CPSF4: variants seen among roughly 807,000 people sequenced by gnomAD.
CPSF4 encodes cleavage and polyadenylation specific factor 4.
CPSF4 carries 11 observed loss-of-function variants against 37.7 expected under a neutral mutation model. The observed-to-expected ratio is 0.29, with a 90% CI of 0.18 to 0.48. CPSF4 has a LOEUF of 0.48. Ranked by LOEUF, CPSF4 falls within the 20% of genes least tolerant of loss-of-function variation. The pLI is 0.99. For missense variants in CPSF4, 144 were observed against 359.5 expected, an observed-to-expected ratio of 0.40 and a Z score of 4.85; for synonymous variants, 132 against 135.9, an observed-to-expected ratio of 0.97 and a Z score of 0.20.
intron 7 of CPSF4, 38 bp from the exon 8 acceptor site, chr7:99,456,394 T>C (rs918888276): frequency 2.5e-6 from 4 of 1,595,780 alleles, no homozygotes; most frequent in Non-Finnish European, 3.4e-6. Flanking sequence ...AGTGTTGTTG[T>C]CTGTCTCTCC....
chr7:99,441,855 C>G (rs1797016174), intron 1 of CPSF4, among the ~76,000 whole-genome samples: 1 of 152,104 alleles, frequency 6.6e-6, no homozygotes, highest in African/African-American at 2.4e-5. Flanking sequence ...CCATGTCTGA[C>G]TAATTTTTGC....
At chr7:99,450,052 C>T (rs960940332) in intron 3 of CPSF4, among the ~76,000 whole-genome samples, 9 of 152,208 alleles carry the variant, frequency 5.9e-5, no homozygotes, top group Non-Finnish European at 1.0e-4. Flanking sequence ...CTTGTCCCAG[C>T]TCTTAGATGT....
intron 1 of CPSF4, among the ~76,000 whole-genome samples, chr7:99,441,217 C>T (rs1229456696): frequency 6.6e-6 from 1 of 152,158 alleles, no homozygotes; most frequent in Non-Finnish European, 1.5e-5. Flanking sequence ...TCCCAAAGTG[C>T]TGGGATTACG....
intron 3 of CPSF4, among the ~76,000 whole-genome samples, chr7:99,450,071 A>C (rs1562862302): frequency 6.6e-6 from 1 of 152,180 alleles, no homozygotes; most frequent in African/African-American, 2.4e-5. Context: ...GTGAAGAGCC[A>C]ATCAGAATGG....
At position 99,448,028 on chromosome 7, in the gene CPSF4, T is replaced by A; in HGVS notation, c.155-93T>A. The A allele has an allele frequency of 3.0e-6, 4 of 1,320,578 alleles. No individual in the cohort carries two copies. Among genetic ancestry groups the A allele is most frequent in the Non-Finnish European group, 4.2e-6 (4 of 942,258 alleles). The allele number at this position is 1,320,578 out of a possible 1,614,324, so 81.8% of individuals were successfully genotyped here. On this transcript the variant is annotated intron_variant, in intron 2 of 7. Coordinates refer to ENST00000292476, the MANE Select transcript of CPSF4 (RefSeq NM_006693.4). This position sits in a 1 kb window ranked among gnomAD's most constrained non-coding sequence, Gnocchi z 4.4. ...TGATGCCTTCAGGTGGCTCCAGGAGTTAGGAAGTGAAGGTACCTCAGCTTC... is the reference window on the plus strand; with the variant it reads ...TGATGCCTTCAGGTGGCTCCAGGAGATAGGAAGTGAAGGTACCTCAGCTTC...
intron 1 of CPSF4, chr7:99,442,847 A>G (rs1265688440): frequency 2.0e-6 from 2 of 1,005,688 alleles, no homozygotes; most frequent in Admixed American, 3.4e-5. Flanking sequence ...GAGAAGTGGA[A>G]AACACTGGAG....
chr7:99,440,688 T>TTTTTTTTTTTG, intron 1 of CPSF4, among the ~76,000 whole-genome samples: 1 of 110,844 alleles, frequency 9.0e-6, no homozygotes, highest in East Asian at 2.1e-4. Flanking sequence ...TTTTTTTTTT[T>TTTTTTTTTTTG]TTTTTCCTGC....
At chr7:99,449,481 A>C (rs773841930) in intron 3 of CPSF4, among the ~76,000 whole-genome samples, 2 of 152,336 alleles carry the variant, frequency 1.3e-5, no homozygotes, top group South Asian at 2.1e-4. Context: ...GCACCGCTAT[A>C]CAAGTGGCCT....
Position 99,453,182 on chromosome 7 carries a change from GC to G in CPSF4, c.570+745del, listed in dbSNP as rs1370158345. ...GGGCATCAGGCAGGGTTCCCAACAG[GC>G]CCATCAAGCCCAACCACCTCCTGAG... On this transcript the variant is annotated intron_variant, in intron 6 of 7. Coordinates refer to ENST00000292476, the MANE Select transcript of CPSF4 (RefSeq NM_006693.4). This position sits in a 1 kb window ranked among gnomAD's most constrained non-coding sequence, Gnocchi z 4.7. 6.6e-6 allele frequency: 1 copy of G among 152,500 alleles called. No homozygotes were observed. Among genetic ancestry groups the G allele is most frequent in the African/African-American group, 2.4e-5 (1 of 41,450 alleles). 9.4% of individuals were successfully genotyped at this position (152,500 alleles called of 1,614,324 possible).
chr7:99,448,445 T>C lies in CPSF4; in HGVS notation c.307+172T>C. On this transcript the variant is annotated intron_variant, in intron 3 of 7. Coordinates refer to ENST00000292476, the MANE Select transcript of CPSF4 (RefSeq NM_006693.4). This position sits in a 1 kb window ranked among gnomAD's most constrained non-coding sequence, Gnocchi z 4.4. ...CAGCTTTTAGGGGACAGTGTGGCTA[T>C]TTTCTGCTCATCTCTTTTTTTTTTT... The C allele has an allele frequency of 1.7e-6, 1 of 588,128 alleles. No individual in the cohort carries two copies. Among genetic ancestry groups the C allele is most frequent in the Non-Finnish European group, 2.8e-6 (1 of 350,998 alleles). 36.4% of individuals were successfully genotyped at this position (588,128 alleles called of 1,614,324 possible). A position where few individuals can be genotyped will look rare whatever the true frequency, so the allele number is the denominator to read the frequency against.
rs1035582004 is a variant in CPSF4, at chr7:99,443,505, C to T, written c.104-1284C>T. 1.7e-5 allele frequency: 13 copies of T among 765,408 alleles called. No homozygotes were observed. In the Admixed American group the frequency reaches 1.8e-4, roughly 11 times the overall value. 47.4% of individuals were successfully genotyped at this position (765,408 alleles called of 1,614,324 possible). A position where few individuals can be genotyped will look rare whatever the true frequency, so the allele number is the denominator to read the frequency against. On this transcript the variant is annotated intron_variant, in intron 1 of 7. Coordinates refer to ENST00000292476, the MANE Select transcript of CPSF4 (RefSeq NM_006693.4). ...ACCATCTCAGTTACCATCTTGTTAC[C>T]CCTCCGGGTGTGCTCTTTTAATAAT... is the stretch of plus-strand genomic sequence containing the variant.
Position 99,448,298 on chromosome 7 carries a change from C to T in CPSF4, c.307+25C>T. On this transcript the variant is annotated intron_variant, in intron 3 of 7. Transcript: ENST00000292476. This position sits in a 1 kb window ranked among gnomAD's most constrained non-coding sequence, Gnocchi z 4.4. The stretch of plus-strand genomic sequence containing the variant: ...GGTAAGGCGCCTGGAGCCCTGGAGG[C>T]TCTGCTGAGAACCAGGGTGCAGAGG... 6.2e-7 allele frequency: 1 copy of T among 1,612,910 alleles called. No individual in the cohort carries two copies. The highest frequency in any genetic ancestry group is 8.5e-7 in the Non-Finnish European group (1 of 1,179,362).
intron 7 of CPSF4, among the ~76,000 whole-genome samples, chr7:99,454,560 C>T (rs1322823479): frequency 6.6e-6 from 1 of 152,098 alleles, no homozygotes; most frequent in Admixed American, 6.5e-5. Flanking sequence ...TCCCCCAGTA[C>T]ATAAAATGGG....
At chr7:99,442,857 G>C in intron 1 of CPSF4, 2 of 1,044,430 alleles carry the variant, frequency 1.9e-6, no homozygotes, top group Non-Finnish European at 1.5e-6. Context: ...AAACACTGGA[G>C]AACAGAAAGT....
intron 2 of CPSF4, among the ~76,000 whole-genome samples, chr7:99,446,368 C>T (rs922701929): frequency 4.6e-5 from 7 of 152,196 alleles, no homozygotes; most frequent in African/African-American, 1.7e-4. Context: ...CTCAGACACA[C>T]TAGTCATATT....
intron 2 of CPSF4, among the ~76,000 whole-genome samples, chr7:99,445,746 T>C (rs1797439879): frequency 6.6e-6 from 1 of 152,176 alleles, no homozygotes; most frequent in Non-Finnish European, 1.5e-5. Context: ...TAGCTGGGCA[T>C]GGTGACGCCC....
At chr7:99,454,492 T>G (rs1340290365) in intron 7 of CPSF4, among the ~76,000 whole-genome samples, 1 of 152,080 alleles carries the variant, frequency 6.6e-6, no homozygotes, top group Non-Finnish European at 1.5e-5. Context: ...CCTTGGATCC[T>G]GCAGGGCACA....
rs883403 is a variant in CPSF4, at chr7:99,450,355, T to A, written c.387T>A (p.Arg129=). Residue 129 remains arginine, a synonymous_variant, in exon 4 of 8, where the codon CGT becomes CGA. Transcript: ENST00000292476. ...SKIKDCPWYD[R]GFCKHGPLCR... is the part of the protein sequence containing the mutation. ...TCAAGGACTGTCCTTGGTATGACCGTGGCTTCTGCAAGCACGGTAGGTGCC... is the reference window on the plus strand; with the variant it reads ...TCAAGGACTGTCCTTGGTATGACCGAGGCTTCTGCAAGCACGGTAGGTGCC... The A allele has an allele frequency of 6.2e-7, 1 of 1,613,084 alleles. No individual in the cohort carries two copies. The highest frequency in any genetic ancestry group is 1.7e-5 in the Admixed American group (1 of 59,954).
chr7:99,453,877 C>A lies in CPSF4; in HGVS notation c.571-89C>A. On this transcript the variant is annotated intron_variant, in intron 6 of 7. Transcript: ENST00000292476. This position sits in a 1 kb window ranked among gnomAD's most constrained non-coding sequence, Gnocchi z 4.7. Reference sequence around the variant, plus strand: ...GCCCTGCTTCCTGCCGTTTGCGGGACGAGTCCCGCCCTCTTTTTTCCTGTC... The same window carrying A: ...GCCCTGCTTCCTGCCGTTTGCGGGAAGAGTCCCGCCCTCTTTTTTCCTGTC... 7.7e-7 allele frequency: 1 copy of A among 1,291,946 alleles called. No homozygotes were observed. The highest frequency in any genetic ancestry group is 1.1e-6 in the Non-Finnish European group (1 of 919,156). The allele number at this position is 1,291,946 out of a possible 1,614,324, so 80.0% of individuals were successfully genotyped here.
Sources: allele counts gnomAD v4.1 joint callset (sites outside exome capture counted in the v4.1 genomes callset), GRCh38; gene constraint gnomAD v4.1.1; non-coding constraint Gnocchi (gnomAD v3.1); transcripts MANE v1.5; gene names NCBI Gene and HGNC (gene_info 2026-07-23, HGNC 2026-07-21).